Variants in NEO1 observed in about 807,000 individuals in gnomAD.
The protein encoded by NEO1 is neogenin.
Under a neutral mutation model 159.7 loss-of-function variants are expected in NEO1, and 63 were observed. The ratio of observed to expected loss-of-function variants is 0.39; its 90% CI spans 0.32 to 0.49. The LOEUF (loss-of-function observed/expected upper bound fraction) is 0.49. NEO1 is among the 20% of genes least tolerant of loss of function. The pLI, the probability that NEO1 is intolerant of heterozygous loss-of-function variation, is 0.85. For missense variants in NEO1, 1,615 were observed against 1,831.0 expected (o/e 0.88, Z 2.15); for synonymous variants, 633 against 662.0 (o/e 0.96, Z 0.67).
intron 15 of NEO1, among the ~76,000 whole-genome samples, chr15:73,263,242 G>A (rs2040714560): frequency 2.1e-5 from 3 of 143,276 alleles, no homozygotes. Context: ...TGCCCAGGCT[G>A]GAGGGCAGTG....
chr15:73,235,250 C>G (rs2039109605), intron 7 of NEO1, among the ~76,000 whole-genome samples: 1 of 152,216 alleles, frequency 6.6e-6, no homozygotes, highest in South Asian at 2.1e-4. Flanking sequence ...GTTTTCCTCT[C>G]TACATCTCTC....
intron 1 of NEO1, among the ~76,000 whole-genome samples, chr15:73,055,181 T>A (rs1365089132): frequency 3.9e-5 from 6 of 152,166 alleles, no homozygotes; most frequent in Admixed American, 3.9e-4. Flanking sequence ...TGAAAAGATA[T>A]GTAGAGACCT....
At chr15:73,152,098 G>A (rs545777541) in intron 5 of NEO1, among the ~76,000 whole-genome samples, 18 of 152,302 alleles carry the variant, frequency 1.2e-4, no homozygotes, top group Admixed American at 5.2e-4. Flanking sequence ...TATGTGTGGT[G>A]TTATGAAATA....
rs534791050 is a variant in NEO1 at position 73,142,775 on chromosome 15, C to G, written c.1015+6748C>G. ...CGTCAGATCTGCTATGGCTTTGCAG[C>G]GCAACAGCAAGAATGTTTAGTATAT... On this transcript the variant is annotated intron_variant, in intron 5 of 28. Coordinates refer to ENST00000261908, the MANE Select transcript of NEO1 (RefSeq NM_002499.4). Among the ~76,000 whole-genome samples, 19 of 152,122 alleles carry G rather than the reference C, an allele frequency of 1.2e-4. No individual in the cohort carries two copies. The South Asian group carries it at 3.7e-3, about 30-fold the overall frequency.
chr15:73,052,135 C>T (rs2067461691), upstream of NEO1, among the ~76,000 whole-genome samples: 1 of 149,696 alleles, frequency 6.7e-6, no homozygotes, highest in Non-Finnish European at 1.5e-5. Flanking sequence ...CCGGCGCGCG[C>T]GCCCCGCACC....
chr15:73,141,374 G>A (rs1010530210), intron 5 of NEO1, among the ~76,000 whole-genome samples: 3 of 152,060 alleles, frequency 2.0e-5, no homozygotes, highest in African/African-American at 7.3e-5. Context: ...TTAACTCCTG[G>A]AGTTTCTACA....
intron 5 of NEO1, among the ~76,000 whole-genome samples, chr15:73,169,727 T>G (rs1428881284): frequency 6.8e-6 from 1 of 147,874 alleles, no homozygotes; most frequent in Admixed American, 6.9e-5. Flanking sequence ...GGAGCCTCAG[T>G]TCTTGCAGTT....
chr15:73,062,166 G>T (rs924556918), intron 1 of NEO1, among the ~76,000 whole-genome samples: 4 of 151,994 alleles, frequency 2.6e-5, no homozygotes, highest in African/African-American at 9.7e-5. Flanking sequence ...ACACTTCCTT[G>T]CCAACATATT....
At chr15:73,218,173 G>A (rs1409814058) in intron 7 of NEO1, among the ~76,000 whole-genome samples, 3 of 152,136 alleles carry the variant, frequency 2.0e-5, no homozygotes, top group East Asian at 1.9e-4. Context: ...TTCTGCATCT[G>A]TTGAGGTAAT....
At position 73,169,773 on chromosome 15, in the gene NEO1, A is replaced by T. The variant is rs970270204; in HGVS notation, c.1016-6630A>T. ...AAGGAATATGTTAATGTCTTGGAAC[A>T]TGGTACCTTAGTAGTTAAGAGTATA... On this transcript the variant is annotated intron_variant, in intron 5 of 28. Coordinates refer to ENST00000261908, the MANE Select transcript of NEO1 (RefSeq NM_002499.4). 6.6e-5 allele frequency among the ~76,000 whole-genome samples: 10 copies of T among 151,524 alleles called. No homozygotes were observed. The East Asian group carries it at 1.8e-3, about 27-fold the overall frequency.
intron 21 of NEO1, among the ~76,000 whole-genome samples, chr15:73,276,827 G>T (rs2041447566): frequency 6.6e-6 from 1 of 152,150 alleles, no homozygotes; most frequent in Non-Finnish European, 1.5e-5. Context: ...TTTCTAGTAA[G>T]GCTTTATTTG....
chr15:73,159,382 T>C (rs2034008759), intron 5 of NEO1, among the ~76,000 whole-genome samples: 5 of 152,144 alleles, frequency 3.3e-5, no homozygotes, highest in Non-Finnish European at 7.3e-5. Context: ...TCCTCCAGTG[T>C]TTAAGATATA....
intron 4 of NEO1, among the ~76,000 whole-genome samples, chr15:73,131,623 C>T (rs1471390146): frequency 6.6e-6 from 1 of 152,190 alleles, no homozygotes; most frequent in Non-Finnish European, 1.5e-5. Context: ...ATTGTTCTTC[C>T]TACTTGTACT....
intron 3 of NEO1, among the ~76,000 whole-genome samples, chr15:73,124,068 G>A (rs891522474): frequency 6.6e-6 from 1 of 152,040 alleles, no homozygotes; most frequent in African/African-American, 2.4e-5. Flanking sequence ...ATATGCATAT[G>A]TGTATGTGTC....
chr15:73,092,719 T>C (rs2069762262), intron 1 of NEO1, among the ~76,000 whole-genome samples: 1 of 152,210 alleles, frequency 6.6e-6, no homozygotes, highest in Non-Finnish European at 1.5e-5. Flanking sequence ...GTCATAATTA[T>C]TGCTTTTTAA....
chr15:73,084,276 A>T (rs1167668320), intron 1 of NEO1, among the ~76,000 whole-genome samples: 1 of 152,100 alleles, frequency 6.6e-6, no homozygotes, highest in Non-Finnish European at 1.5e-5. Flanking sequence ...TCTAACTGAA[A>T]TTTTTTATCC....
At chr15:73,118,046 G>A (rs888423886) in intron 2 of NEO1, among the ~76,000 whole-genome samples, 4 of 152,024 alleles carry the variant, frequency 2.6e-5, no homozygotes, top group Non-Finnish European at 4.4e-5. Context: ...ACTTAGGTCA[G>A]TGTCTGTTTA....
chr15:73,150,094 A>G (rs1442044468), intron 5 of NEO1, among the ~76,000 whole-genome samples: 3 of 152,094 alleles, frequency 2.0e-5, no homozygotes, highest in Non-Finnish European at 4.4e-5. Context: ...CACAGACCTA[A>G]ATAGTTTGTA....
At chr15:73,145,858 A>G (rs2032851120) in intron 5 of NEO1, among the ~76,000 whole-genome samples, 1 of 152,100 alleles carries the variant, frequency 6.6e-6, no homozygotes, top group African/African-American at 2.4e-5. Context: ...TGAAAGGATC[A>G]TTTTTCTTCT....
Sources: gnomAD v4.1 joint callset for allele counts (sites outside exome capture counted in the v4.1 genomes callset) on GRCh38, gnomAD v4.1.1 for gene constraint, MANE v1.5 for transcripts, NCBI Gene and HGNC (gene_info 2026-07-23, HGNC 2026-07-21) for gene names.